ZNF217: variants seen among roughly 807,000 people sequenced by gnomAD.
ZNF217 encodes the protein zinc finger protein 217.
A neutral mutation model predicts 73.3 loss-of-function variants in ZNF217; 12 were observed. The ratio of observed to expected loss-of-function variants is 0.16; its 90% CI spans 0.10 to 0.27. The LOEUF (loss-of-function observed/expected upper bound fraction) is 0.27, where lower values mean the gene tolerates loss of function less well. Among genes scored for constraint, ZNF217 ranks in the 10% least tolerant of loss-of-function variants. ZNF217 has a pLI of 1.00. For synonymous variants in ZNF217, 588 were observed against 516.4 expected (o/e 1.14, Z -1.88); for missense variants, 1,195 against 1,327.8 (o/e 0.90, Z 1.55).
At chr20:53,590,779 T>C (rs1988851772) in intron 1 of ZNF217, among the ~76,000 whole-genome samples, 1 of 152,178 alleles carries the variant, frequency 6.6e-6, no homozygotes, top group African/African-American at 2.4e-5. Flanking sequence ...TTAGCATGTA[T>C]CTGCAATGAG....
intron 4 of ZNF217, among the ~76,000 whole-genome samples, chr20:53,573,409 T>C (rs1988104475): frequency 6.6e-6 from 1 of 152,138 alleles, no homozygotes; most frequent in Non-Finnish European, 1.5e-5. Context: ...ATTTGCAGTA[T>C]TGTAGCGTAA....
At chr20:53,579,478 A>G (rs1353417270) in intron 2 of ZNF217, among the ~76,000 whole-genome samples, 3 of 152,224 alleles carry the variant, frequency 2.0e-5, no homozygotes, top group South Asian at 4.1e-4. Flanking sequence ...GTTTAGGAAA[A>G]TCAATTCCCC....
chr20:53,577,420 CTTT>C (rs1235122714), intron 3 of ZNF217, 140 bp from the exon 4 acceptor site: 1 of 747,044 alleles, frequency 1.3e-6, no homozygotes, highest in African/African-American at 1.8e-5. Flanking sequence ...CTCATCAGTT[CTTT>C]ATCATCCTTA....
chr20:53,595,567 G>A (rs1209890305), upstream of ZNF217, among the ~76,000 whole-genome samples: 1 of 152,130 alleles, frequency 6.6e-6, no homozygotes, highest in Non-Finnish European at 1.5e-5. Context: ...CCCACATATG[G>A]TCTGGTTAGT....
upstream of ZNF217, among the ~76,000 whole-genome samples, chr20:53,594,551 C>T (rs1444769876): frequency 1.3e-5 from 2 of 151,638 alleles, no homozygotes; most frequent in African/African-American, 2.4e-5. Flanking sequence ...CCTCCCCGCG[C>T]CCCCCGCCCC....
intron 1 of ZNF217, among the ~76,000 whole-genome samples, chr20:53,585,095 GAAAAAAA>G (rs748460021): frequency 0.011 from 521 of 46,974 alleles, no homozygotes; most frequent in Middle Eastern, 0.022. Context: ...GTGAGAATTT[GAAAAAAA>G]AAAAAAAAAA....
intron 1 of ZNF217, among the ~76,000 whole-genome samples, chr20:53,592,207 G>A (rs1336622606): frequency 1.7e-4 from 26 of 152,164 alleles, no homozygotes; most frequent in Non-Finnish European, 2.9e-5. Flanking sequence ...CAATAATACA[G>A]GACCCCCAAA....
chr20:53,576,797 G>T lies in ZNF217; in HGVS notation c.1967C>A (p.Thr656Asn). 6.2e-7 allele frequency: 1 copy of T among 1,614,216 alleles called. No individual in the cohort carries two copies. Residue 656 changes from threonine (T) to asparagine (N), a missense_variant, in exon 4 of 6, where the codon ACC becomes AAC. By Grantham distance (65) the Thr-to-Asn change is moderately conservative (BLOSUM62 0). This residue lies in a region of ZNF217 where 649 missense variants were observed against 642.8 expected (regional missense o/e 1.01). Coordinates refer to ENST00000371471, the MANE Select transcript of ZNF217 (RefSeq NM_006526.3). ...TTTGGGGCTAACTTCAAGGTTATGG[G>T]TGGTACTGCCATCCGGAGGAGGAGT... ...DVTPPPDGST[T>N]HNLEVSPKEK...
In ZNF217 at chr20:53,567,675, T is replaced by C. The variant is rs1188683393; in HGVS notation, c.*1613A>G. The C allele has an allele frequency of 6.6e-6, 1 of 152,602 alleles. No individual in the cohort carries two copies. Among genetic ancestry groups the C allele is most frequent in the Non-Finnish European group, 1.5e-5 (1 of 68,042 alleles). The allele number at this position is 152,602 out of a possible 1,614,324, so 9.5% of individuals were successfully genotyped here. On this transcript the variant is annotated 3_prime_UTR_variant, in exon 6 of 6. Transcript: ENST00000371471. Reference sequence around the variant, plus strand: ...AAACAAAATCTAGATTATGTACATATGGCTCAGCTTGTGAACAGGAAAAAA... The same window carrying C: ...AAACAAAATCTAGATTATGTACATACGGCTCAGCTTGTGAACAGGAAAAAA...
intron 3 of ZNF217, 61 bp from the exon 4 acceptor site, chr20:53,577,341 T>TA: frequency 1.4e-6 from 2 of 1,385,066 alleles, no homozygotes. Flanking sequence ...ATAGATCAAA[T>TA]ATCTATTTAT....
chr20:53,585,115 A>C (rs1238296636), intron 1 of ZNF217, among the ~76,000 whole-genome samples: 33 of 150,696 alleles, frequency 2.2e-4, no homozygotes, highest in Non-Finnish European at 3.1e-4. Context: ...AAAAAAAAAA[A>C]AAACTAAGTT....
chr20:53,574,844 A>T (rs1422505514), intron 4 of ZNF217: 1 of 151,472 alleles, frequency 6.6e-6, no homozygotes, highest in African/African-American at 2.4e-5. Flanking sequence ...CCGCAACTCC[A>T]GGTGGATTGG....
At chr20:53,590,929 C>T (rs543183270) in intron 1 of ZNF217, among the ~76,000 whole-genome samples, 4 of 152,126 alleles carry the variant, frequency 2.6e-5, no homozygotes, top group Non-Finnish European at 5.9e-5. Context: ...GGCTCCTACT[C>T]CTCCCTGAAG....
chr20:53,572,349 G>T (rs1276531024), intron 4 of ZNF217, among the ~76,000 whole-genome samples: 1 of 152,042 alleles, frequency 6.6e-6, no homozygotes, highest in Non-Finnish European at 1.5e-5. Flanking sequence ...GGAGGTCGAG[G>T]CTGCAGTGAG....
rs765289180 is a variant in ZNF217 at position 53,567,348 on chromosome 20, G to C, written c.*1940C>G. On this transcript the variant is annotated 3_prime_UTR_variant, in exon 6 of 6. Transcript: ENST00000371471. ...ACAAAAACATATTTTGAAGTACAAA[G>C]GGCTGTAGGAAAATAATTGGTATTT... 1 of 152,574 alleles carries C rather than the reference G, an allele frequency of 6.6e-6. No homozygotes were observed. Among genetic ancestry groups the C allele is most frequent in the Admixed American group, 6.5e-5 (1 of 15,270 alleles). The allele number at this position is 152,574 out of a possible 1,614,324, so 9.5% of individuals were successfully genotyped here. A position where few individuals can be genotyped will look rare whatever the true frequency, so the allele number is the denominator to read the frequency against.
Position 53,576,275 on chromosome 20 carries a change from T to G in ZNF217, c.2489A>C (p.Gln830Pro), listed in dbSNP as rs761595116. 1 of 1,614,258 alleles carries G rather than the reference T, an allele frequency of 6.2e-7. No individual in the cohort carries two copies. Among genetic ancestry groups the G allele is most frequent in the South Asian group, 1.1e-5 (1 of 91,086 alleles). The change falls in exon 4 of 6, where the codon CAA becomes CCA. Residue 830 changes from glutamine (Q) to proline (P), a missense_variant. Transcript: ENST00000371471. ...TTGCTGTTGCCTGGTGGCGGCCCCT[T>G]GGACCCCCACATTCTGCTGTGGTCT... ...SHRPQQNVGV[Q>P]GAATRQQQSE...
intron 1 of ZNF217, among the ~76,000 whole-genome samples, chr20:53,592,505 T>G (rs1298677247): frequency 6.6e-6 from 1 of 151,688 alleles, no homozygotes; most frequent in Non-Finnish European, 1.5e-5. Context: ...ACTCCCTGCC[T>G]GCTCACCCCA....
upstream of ZNF217, among the ~76,000 whole-genome samples, chr20:53,596,549 C>T (rs189425417): frequency 1.1e-4 from 16 of 152,300 alleles, no homozygotes; most frequent in East Asian, 3.1e-3. Flanking sequence ...GAGACTCATA[C>T]TTCCCATTTA....
In ZNF217 at chr20:53,575,809, A is replaced by G; in HGVS notation, c.2955T>C (p.Thr985=). ...SSEVDSPNVL[T]VQKPYGGSGP... is the part of the protein sequence containing the mutation. ...CGGAGCCACCATAGGGCTTCTGAAC[A>G]GTCAGCACATTTGGAGAATCGACCT... is the stretch of plus-strand genomic sequence containing the variant. The change falls in exon 4 of 6, where the codon ACT becomes ACC. Residue 985 remains threonine, a synonymous_variant. Transcript: ENST00000371471. 6.2e-7 allele frequency: 1 copy of G among 1,614,142 alleles called. No individual in the cohort carries two copies. Among genetic ancestry groups the G allele is most frequent in the South Asian group, 1.1e-5 (1 of 91,062 alleles).
Sources: allele counts gnomAD v4.1 joint callset (sites outside exome capture counted in the v4.1 genomes callset), GRCh38; gene constraint gnomAD v4.1.1; regional missense constraint gnomAD v4.1.1; transcripts MANE v1.5; gene names NCBI Gene and HGNC (gene_info 2026-07-23, HGNC 2026-07-21).